CTTN: variants seen among roughly 807,000 people sequenced by gnomAD.
CTTN encodes src substrate cortactin.
CTTN carries 28 observed loss-of-function variants against 84.0 expected under a neutral mutation model. The ratio of observed to expected loss-of-function variants is 0.33; its 90% CI spans 0.25 to 0.46. The LOEUF is 0.46. Among genes scored for constraint, CTTN ranks in the 20% least tolerant of loss-of-function variants. The pLI, the probability that CTTN is intolerant of heterozygous loss-of-function variation, is 1.00. For missense variants in CTTN, 641 were observed against 723.8 expected (o/e 0.89, Z 1.31); for synonymous variants, 301 against 288.8 (o/e 1.04, Z -0.43).
chr11:70,420,774 G>T (rs1054098180), intron 10 of CTTN, among the ~76,000 whole-genome samples: 1 of 152,064 alleles, frequency 6.6e-6, no homozygotes, highest in Non-Finnish European at 1.5e-5. Context: ...GCAGCAGGGG[G>T]CTGGGTTTAC....
At chr11:70,421,363 T>C in intron 10 of CTTN, 107 bp from the exon 11 acceptor site, 1 of 833,428 alleles carries the variant, frequency 1.2e-6, no homozygotes, top group East Asian at 2.4e-5. Flanking sequence ...AGGAGAGCCC[T>C]TGCTTTCTGG....
intron 15 of CTTN, among the ~76,000 whole-genome samples, chr11:70,432,369 C>T (rs117970650): frequency 0.025 from 3,779 of 152,310 alleles, 71 homozygotes; most frequent in Non-Finnish European, 0.039. Context: ...CGATTACTCT[C>T]CCTGGCTAGC....
Position 70,419,807 on chromosome 11 carries a change from C to T in CTTN, c.630C>T (p.Ala210=), listed in dbSNP as rs1170897968. Residue 210 remains alanine, a synonymous_variant, in exon 9 of 18, where the codon GCC becomes GCT. Coordinates refer to ENST00000301843, the MANE Select transcript of CTTN (RefSeq NM_005231.4). The part of the protein sequence containing the change: ...GIDKDKVDKS[A]VGFEYQGKTE... ...ACAAGGACAAAGTGGATAAGAGCGCCGTTGGCTTTGAGTATCAAGGCAAAA... is the reference window on the plus strand; with the variant it reads ...ACAAGGACAAAGTGGATAAGAGCGCTGTTGGCTTTGAGTATCAAGGCAAAA... 1.4e-5 allele frequency: 22 copies of T among 1,613,188 alleles called. No homozygotes were observed. The highest frequency in any genetic ancestry group is 8.4e-5 in the Admixed American group (5 of 59,738).
chr11:70,414,878 C>G (rs149715091), intron 6 of CTTN, among the ~76,000 whole-genome samples: 3 of 152,192 alleles, frequency 2.0e-5, no homozygotes, highest in African/African-American at 7.2e-5. Context: ...TCGCTCTTCA[C>G]TACGTGCCTC....
chr11:70,413,907 G>T (rs2058124464), intron 5 of CTTN, among the ~76,000 whole-genome samples: 2 of 152,158 alleles, frequency 1.3e-5, no homozygotes, highest in South Asian at 4.1e-4. Context: ...ACACCAGCGG[G>T]TCTCACGGAT....
rs2058149784 is a variant in CTTN at position 70,415,668 on chromosome 11, T to C, written c.408T>C (p.Ala136=). ...TGTGTTTTTGGTCGTCACAGTCTGCTGTAGGCTTTGAATACCAGGGGAAGA... is the reference window on the plus strand; with the variant it reads ...TGTGTTTTTGGTCGTCACAGTCTGCCGTAGGCTTTGAATACCAGGGGAAGA... The part of the protein sequence containing the change: ...GVQMDRVDQS[A]VGFEYQGKTE... The change falls in exon 7 of 18, where the codon GCT becomes GCC. Residue 136 remains alanine, a synonymous_variant. Coordinates refer to ENST00000301843, the MANE Select transcript of CTTN (RefSeq NM_005231.4). 6.2e-7 allele frequency: 1 copy of C among 1,614,162 alleles called. No homozygotes were observed. The highest frequency in any genetic ancestry group is 2.2e-5 in the East Asian group (1 of 44,884).
At chr11:70,414,692 A>AG (rs748882953) in intron 6 of CTTN, 40 bp downstream of exon 6, 2 of 1,473,528 alleles carry the variant, frequency 1.4e-6, no homozygotes, top group Non-Finnish European at 1.9e-6. Context: ...GGTTGGGGCA[A>AG]GGGGGGCGTT....
In CTTN at chr11:70,435,189, G is replaced by A. The variant is rs1405357015; in HGVS notation, c.*27G>A. 8 of 1,587,734 alleles carry A rather than the reference G, an allele frequency of 5.0e-6. No individual in the cohort carries two copies. The highest frequency in any genetic ancestry group is 3.5e-5 in the Admixed American group (2 of 57,590). ...GCCCCCAGCCCCCCCCCGGAGCTGC[G>A]CCCTGGATCCTCACACTACAGATCA... On this transcript the variant is annotated 3_prime_UTR_variant, in exon 18 of 18. Transcript: ENST00000301843.
Position 70,436,338 on chromosome 11 carries a change from A to C in CTTN, c.*1176A>C. On this transcript the variant is annotated 3_prime_UTR_variant, in exon 18 of 18. Transcript: ENST00000301843. ...GCTGGACCAGTCCCGTCGTGCAGTC[A>C]GGTGGGCGGTGTGTCTTTCCAGAAG... 6.3e-7 allele frequency: 1 copy of C among 1,598,240 alleles called. No homozygotes were observed. Among genetic ancestry groups the C allele is most frequent in the Non-Finnish European group, 8.5e-7 (1 of 1,179,768 alleles).
Position 70,429,207 on chromosome 11 carries a change from G to A in CTTN, c.1176+8G>A. The A allele has an allele frequency of 6.2e-7, 1 of 1,609,848 alleles. No individual in the cohort carries two copies. Among genetic ancestry groups the A allele is most frequent in the Non-Finnish European group, 8.5e-7 (1 of 1,178,436 alleles). ...GCCAGGAGGAAGCTGGAGGTGAGTGGCAAGGAGTGGGCCGCAGCGCACCCT... is the reference window on the plus strand; with the variant it reads ...GCCAGGAGGAAGCTGGAGGTGAGTGACAAGGAGTGGGCCGCAGCGCACCCT... On this transcript the variant is annotated splice_region_variant and intron_variant, in intron 14 of 17. Coordinates refer to ENST00000301843, the MANE Select transcript of CTTN (RefSeq NM_005231.4).
intron 1 of CTTN, among the ~76,000 whole-genome samples, chr11:70,399,745 AT>A (rs1428631610): frequency 6.6e-6 from 1 of 152,058 alleles, no homozygotes; most frequent in Non-Finnish European, 1.5e-5. Context: ...TTGGGGAGGA[AT>A]TCATTTTCTG....
At chr11:70,403,706 A>G (rs952857560) in intron 1 of CTTN, among the ~76,000 whole-genome samples, 4 of 152,156 alleles carry the variant, frequency 2.6e-5, no homozygotes, top group East Asian at 3.9e-4. Context: ...ATTTTTCTGT[A>G]TGGTTTTGAG....
chr11:70,427,288 G>T (rs772363980), intron 13 of CTTN, among the ~76,000 whole-genome samples: 5 of 152,106 alleles, frequency 3.3e-5, no homozygotes, highest in African/African-American at 7.2e-5. Context: ...GGCAGAGGTC[G>T]CAGTGAGCCT....
chr11:70,412,396 C>G (rs769856248), intron 5 of CTTN, among the ~76,000 whole-genome samples: 7 of 152,144 alleles, frequency 4.6e-5, no homozygotes, highest in African/African-American at 7.2e-5. Context: ...ACAGTCCAGC[C>G]TGGGCGACAG....
At position 70,405,335 on chromosome 11, in the gene CTTN, G is replaced by A. The variant is rs543906206; in HGVS notation, c.-27G>A. The stretch of plus-strand genomic sequence containing the variant: ...TGTTTTAAACAGAATTTCGTGAACA[G>A]CCTTTTATCTCCAAGCGGAAAGAAA... On this transcript the variant is annotated 5_prime_UTR_variant, in exon 2 of 18. Coordinates refer to ENST00000301843, the MANE Select transcript of CTTN (RefSeq NM_005231.4). The A allele has an allele frequency of 5.3e-5, 8 of 152,302 alleles. No homozygotes were observed. The highest frequency in any genetic ancestry group is 1.9e-4 in the African/African-American group (8 of 41,580). The allele number at this position is 152,302 out of a possible 1,614,324, so 9.4% of individuals were successfully genotyped here. A position where few individuals can be genotyped will look rare whatever the true frequency, so the allele number is the denominator to read the frequency against.
intron 6 of CTTN, 145 bp downstream of exon 6, chr11:70,414,797 A>G (rs941477893): frequency 1.6e-6 from 1 of 618,228 alleles, no homozygotes; most frequent in Non-Finnish European, 2.9e-6. Context: ...GCCTCCCAGG[A>G]TGCTCTGAGA....
At chr11:70,429,331 T>A in intron 14 of CTTN, 132 bp downstream of exon 14, 1 of 982,716 alleles carries the variant, frequency 1.0e-6, no homozygotes, top group Admixed American at 2.4e-5. Context: ...TTAACTCTCC[T>A]TTAAGGCTCT....
At chr11:70,413,674 C>T (rs1251387608) in intron 5 of CTTN, among the ~76,000 whole-genome samples, 6 of 152,092 alleles carry the variant, frequency 3.9e-5, no homozygotes, top group East Asian at 1.9e-4. Flanking sequence ...TGGGGGCTGA[C>T]GACATTAATG....
At chr11:70,406,684 T>C (rs1446553934) in intron 2 of CTTN, among the ~76,000 whole-genome samples, 1 of 152,200 alleles carries the variant, frequency 6.6e-6, no homozygotes, top group Non-Finnish European at 1.5e-5. Context: ...AGCTGCCTGA[T>C]AGAGGAAAAG....
Sources: allele counts gnomAD v4.1 joint callset (sites outside exome capture counted in the v4.1 genomes callset), GRCh38; gene constraint gnomAD v4.1.1; transcripts MANE v1.5; gene names NCBI Gene and HGNC (gene_info 2026-07-23, HGNC 2026-07-21).